The following PDE4B variants were observed in gnomAD, a reference collection of about 807,000 sequenced individuals.
PDE4B encodes 3',5'-cyclic-AMP phosphodiesterase 4B.
A neutral mutation model predicts 82.2 loss-of-function variants in PDE4B; 20 were observed. That is an observed-to-expected ratio of 0.24 (90% CI 0.17 to 0.35). PDE4B has a LOEUF of 0.35. PDE4B is among the 10% of genes least tolerant of loss of function. The pLI, the probability that PDE4B is intolerant of heterozygous loss-of-function variation, is 1.00. For missense variants in PDE4B, 655 were observed against 907.2 expected, an observed-to-expected ratio of 0.72 and a Z score of 3.57; for synonymous variants, 320 against 318.9, an observed-to-expected ratio of 1.00 and a Z score of -0.04.
At chr1:65,925,815 G>A (rs1049948692) in intron 3 of PDE4B, among the ~76,000 whole-genome samples, 6 of 152,132 alleles carry the variant, frequency 3.9e-5, no homozygotes, top group Admixed American at 2.0e-4. Flanking sequence ...GGGCACTGGG[G>A]CATTGGTAGA....
At chr1:65,983,265 C>T (rs1451151433) in intron 3 of PDE4B, among the ~76,000 whole-genome samples, 1 of 152,052 alleles carries the variant, frequency 6.6e-6, no homozygotes, top group Non-Finnish European at 1.5e-5. Context: ...CACCCATAAT[C>T]GATTTGGATG....
intron 3 of PDE4B, among the ~76,000 whole-genome samples, chr1:66,025,252 A>G (rs1437275306): frequency 2.0e-5 from 3 of 152,108 alleles, no homozygotes; most frequent in Non-Finnish European, 4.4e-5. Context: ...GAGTACTTCA[A>G]GGAAAGAAGT....
At chr1:66,034,987 C>T (rs894730166) in intron 3 of PDE4B, among the ~76,000 whole-genome samples, 1 of 152,144 alleles carries the variant, frequency 6.6e-6, no homozygotes, top group Non-Finnish European at 1.5e-5. Flanking sequence ...CTTGCTCTCC[C>T]AGTATCAATA....
chr1:65,897,437 A>T (rs780513934), intron 1 of PDE4B, among the ~76,000 whole-genome samples: 14 of 152,074 alleles, frequency 9.2e-5, no homozygotes, highest in Non-Finnish European at 1.5e-4. Flanking sequence ...CTTGGGTAAT[A>T]CTGAGGTTTG....
At chr1:65,886,418 T>C (rs889210816) in intron 1 of PDE4B, among the ~76,000 whole-genome samples, 2 of 152,184 alleles carry the variant, frequency 1.3e-5, no homozygotes, top group African/African-American at 4.8e-5. Context: ...TTCTGAAATA[T>C]ACAATACAGT....
intron 3 of PDE4B, among the ~76,000 whole-genome samples, chr1:66,200,556 C>T (rs189479425): frequency 2.8e-4 from 42 of 152,126 alleles, no homozygotes; most frequent in African/African-American, 9.2e-4. Context: ...TTAAGAGGTC[C>T]TTCACGTCCC....
At chr1:66,163,976 C>G (rs1434868451) in intron 3 of PDE4B, among the ~76,000 whole-genome samples, 2 of 152,126 alleles carry the variant, frequency 1.3e-5, no homozygotes, top group East Asian at 3.9e-4. Flanking sequence ...TGTTGTTTTT[C>G]CTCTAGTGAG....
intron 3 of PDE4B, among the ~76,000 whole-genome samples, chr1:66,050,997 A>G (rs980721546): frequency 6.6e-6 from 1 of 152,128 alleles, no homozygotes; most frequent in African/African-American, 2.4e-5. Flanking sequence ...AAAATTCCCA[A>G]TGGAAATGTA....
In PDE4B at chr1:65,845,851, A is replaced by C. The variant is rs79831055; in HGVS notation, c.-71+52603A>C. Among the ~76,000 whole-genome samples the C allele has an allele frequency of 3.6e-3, 542 of 152,254 alleles. 3 individuals are homozygous for C. Among genetic ancestry groups the C allele is most frequent in the African/African-American group, 0.012 (518 of 41,544 alleles). The stretch of plus-strand genomic sequence containing the variant: ...CCTTTCTCCGGATGGGTGTCTCATT[A>C]CAGGAAACCATGAGAACTCCTCCAA... On this transcript the variant is annotated intron_variant, in intron 1 of 16. Coordinates refer to ENST00000341517, the MANE Select transcript of PDE4B (RefSeq NM_002600.4).
intron 3 of PDE4B, among the ~76,000 whole-genome samples, chr1:66,229,551 G>T (rs918374403): frequency 2.0e-5 from 3 of 152,158 alleles, no homozygotes; most frequent in Admixed American, 6.5e-5. Context: ...CATAGACATG[G>T]GGGTTCATAA....
intron 3 of PDE4B, among the ~76,000 whole-genome samples, chr1:66,029,212 A>G (rs1269989028): frequency 6.6e-6 from 1 of 152,224 alleles, no homozygotes; most frequent in East Asian, 1.9e-4. Flanking sequence ...AAGCAAAAGC[A>G]GAAACCCTTA....
chr1:65,881,058 G>A (rs1294111262), intron 1 of PDE4B, among the ~76,000 whole-genome samples: 1 of 152,158 alleles, frequency 6.6e-6, no homozygotes, highest in African/African-American at 2.4e-5. Context: ...TCCTCATTGT[G>A]ACTAGTCCTT....
chr1:66,337,293 G>T (rs1218434254), intron 8 of PDE4B, among the ~76,000 whole-genome samples: 1 of 152,172 alleles, frequency 6.6e-6, no homozygotes, highest in Non-Finnish European at 1.5e-5. Flanking sequence ...AGGAAGTAAG[G>T]AGTTGGCCGG....
chr1:66,022,220 G>A (rs2100771079), intron 3 of PDE4B, among the ~76,000 whole-genome samples: 2 of 152,252 alleles, frequency 1.3e-5, no homozygotes, highest in South Asian at 4.1e-4. Context: ...TGAGACGATG[G>A]GGTTTTCTAA....
intron 1 of PDE4B, among the ~76,000 whole-genome samples, chr1:65,843,086 C>T (rs1452029540): frequency 6.6e-6 from 1 of 152,024 alleles, no homozygotes; most frequent in African/African-American, 2.4e-5. Context: ...AGATGTAGAC[C>T]ATTGGGGACC....
At chr1:65,797,043 C>T (rs1645639598) in intron 1 of PDE4B, among the ~76,000 whole-genome samples, 2 of 151,850 alleles carry the variant, frequency 1.3e-5, no homozygotes, top group African/African-American at 4.8e-5. Flanking sequence ...AGCTCCACCT[C>T]CCAGGTTCAC....
At chr1:65,895,970 C>A (rs975693651) in intron 1 of PDE4B, among the ~76,000 whole-genome samples, 3 of 121,464 alleles carry the variant, frequency 2.5e-5, no homozygotes, top group Non-Finnish European at 3.5e-5. Flanking sequence ...AATAATAATA[C>A]TTCAAATTAT....
chr1:66,286,100 A>G (rs1656655653), intron 7 of PDE4B, among the ~76,000 whole-genome samples: 1 of 152,154 alleles, frequency 6.6e-6, no homozygotes, highest in Non-Finnish European at 1.5e-5. Context: ...ATAAATAAAC[A>G]TGATTTTTCT....
chr1:66,235,770 GA>G (rs75316120), intron 3 of PDE4B, among the ~76,000 whole-genome samples: 3 of 151,748 alleles, frequency 2.0e-5, no homozygotes, highest in Non-Finnish European at 2.9e-5. Flanking sequence ...CCATTCTGTT[GA>G]AAAAAAATGT....
Sources: gnomAD v4.1 joint callset for allele counts (sites outside exome capture counted in the v4.1 genomes callset) on GRCh38, gnomAD v4.1.1 for gene constraint, MANE v1.5 for transcripts, NCBI Gene and HGNC (gene_info 2026-07-23, HGNC 2026-07-21) for gene names.